Variants in DPP6 observed in about 807,000 individuals in gnomAD.
DPP6 encodes the protein dipeptidyl peptidase like 6.
A neutral mutation model predicts 122.6 loss-of-function variants in DPP6; 69 were observed. That is an observed-to-expected ratio of 0.56 (90% CI 0.46 to 0.69). The LOEUF (loss-of-function observed/expected upper bound fraction) is 0.69. Ranked by LOEUF, DPP6 falls within the 30% of genes least tolerant of loss-of-function variation. The pLI is 0.00. For missense variants in DPP6, 928 were observed against 1,116.9 expected (o/e 0.83, Z 2.41); for synonymous variants, 418 against 433.1 (o/e 0.97, Z 0.43).
the DPP6 span, among the ~76,000 whole-genome samples, chr7:153,871,476 T>A: frequency 1.3e-5 from 2 of 152,192 alleles, no homozygotes; most frequent in Non-Finnish European, 2.9e-5. Flanking sequence ...TCTCCTGGTG[T>A]ATGGTTTGTT....
chr7:153,796,964 CTCTT>C, the DPP6 span, among the ~76,000 whole-genome samples: 3 of 152,168 alleles, frequency 2.0e-5, no homozygotes, highest in Admixed American at 1.3e-4. Context: ...CTTGTTTTGC[CTCTT>C]TCTTTTTCTC....
intron 10 of DPP6, among the ~76,000 whole-genome samples, chr7:154,783,292 G>A (rs538392764): frequency 4.5e-4 from 69 of 152,240 alleles, no homozygotes; most frequent in African/African-American, 1.5e-3. Flanking sequence ...TGATTGCTGC[G>A]AAATCAGGAC....
chr7:153,891,402 C>T (rs1011324889), intron 1 of DPP6, among the ~76,000 whole-genome samples: 1 of 152,080 alleles, frequency 6.6e-6, no homozygotes, highest in Non-Finnish European at 1.5e-5. Context: ...ACTAACCATG[C>T]CATATTCAAT....
chr7:154,817,699 G>A (rs28715509), intron 16 of DPP6, among the ~76,000 whole-genome samples: 1 of 152,098 alleles, frequency 6.6e-6, no homozygotes, highest in Non-Finnish European at 1.5e-5. Context: ...AATGACATGA[G>A]CATCATGAGT....
chr7:154,677,661 G>GC (rs1010035554), intron 7 of DPP6, among the ~76,000 whole-genome samples: 1 of 152,216 alleles, frequency 6.6e-6, no homozygotes, highest in African/African-American at 2.4e-5. Context: ...GGGGAGGAGC[G>GC]CGTGGGGAGA....
At chr7:154,137,221 C>T (rs1044044565) in intron 1 of DPP6, among the ~76,000 whole-genome samples, 5 of 152,130 alleles carry the variant, frequency 3.3e-5, no homozygotes, top group Non-Finnish European at 4.4e-5. Flanking sequence ...CTGCCTCTGG[C>T]GTGTCTAGTT....
At chr7:154,686,115 C>T (rs1238526036) in intron 7 of DPP6, among the ~76,000 whole-genome samples, 1 of 151,924 alleles carries the variant, frequency 6.6e-6, no homozygotes, top group African/African-American at 2.4e-5. Context: ...GTATTACTGT[C>T]TCTTTTGCTC....
At chr7:154,281,548 A>C (rs1371658034) in intron 1 of DPP6, among the ~76,000 whole-genome samples, 1 of 152,174 alleles carries the variant, frequency 6.6e-6, no homozygotes, top group Non-Finnish European at 1.5e-5. Flanking sequence ...GTAAATTTAC[A>C]TACCTTGTGA....
chr7:154,520,482 G>A (rs536335061), intron 3 of DPP6, among the ~76,000 whole-genome samples: 60 of 152,364 alleles, frequency 3.9e-4, no homozygotes, highest in African/African-American at 1.4e-3. Context: ...TAAAATAGAG[G>A]CCAAATTTCC....
At chr7:154,765,228 A>G (rs1795825222) in intron 8 of DPP6, among the ~76,000 whole-genome samples, 1 of 152,190 alleles carries the variant, frequency 6.6e-6, no homozygotes, top group Admixed American at 6.5e-5. Flanking sequence ...CAGAATGTGC[A>G]CCAAACTCAC....
At chr7:154,076,116 T>G (rs1402808331) in intron 1 of DPP6, among the ~76,000 whole-genome samples, 2 of 151,920 alleles carry the variant, frequency 1.3e-5, no homozygotes. Flanking sequence ...AGAAGCTTCT[T>G]CCTATGTGTA....
rs1364887639 is a variant in DPP6 at position 154,061,912 on chromosome 7, T to G, written c.243+8849T>G. Among the ~76,000 whole-genome samples the G allele has an allele frequency of 4.4e-5, 5 of 112,672 alleles. 1 individual carries two copies. The highest frequency in any genetic ancestry group is 1.3e-4 in the African/African-American group (4 of 29,790). The allele number at this position is 112,672 out of a possible 152,430, so 73.9% of individuals were successfully genotyped here. ...TGAGAGGCAATCCCTCTTCCCCCCC[T>G]GGCTCTGAGGACCCCCATCGCAGGA... On this transcript the variant is annotated intron_variant, in intron 1 of 25. Transcript: ENST00000377770.
At chr7:154,478,393 C>T (rs74895355) in intron 3 of DPP6, among the ~76,000 whole-genome samples, 215 of 152,218 alleles carry the variant, frequency 1.4e-3, no homozygotes, top group East Asian at 0.014. Context: ...TACCCACCAC[C>T]ACCATCTATC....
At chr7:154,276,445 C>T (rs1481654761) in intron 1 of DPP6, among the ~76,000 whole-genome samples, 1 of 152,160 alleles carries the variant, frequency 6.6e-6, no homozygotes, top group African/African-American at 2.4e-5. Flanking sequence ...TAGCAAATGG[C>T]ATTGATAAGG....
intron 18 of DPP6, 24 bp from the exon 19 acceptor site, chr7:154,872,600 G>T (rs376738267): frequency 6.3e-7 from 1 of 1,584,256 alleles, no homozygotes; most frequent in Non-Finnish European, 8.6e-7. Flanking sequence ...CCCCTAACCC[G>T]TGCTGTGCTC....
At chr7:153,887,186 C>A (rs2128991416) in exon 1 of DPP6, 1 of 152,616 alleles carries the variant, frequency 6.6e-6, no homozygotes, top group East Asian at 1.9e-4. Flanking sequence ...CCTTAGGGAC[C>A]AGAGCGGCGA....
intron 8 of DPP6, among the ~76,000 whole-genome samples, chr7:154,759,001 A>G (rs926640470): frequency 6.6e-6 from 1 of 152,188 alleles, no homozygotes; most frequent in Non-Finnish European, 1.5e-5. Flanking sequence ...TCTCTTTACT[A>G]GGGCAGATCC....
At chr7:154,178,006 A>C (rs867578377) in intron 1 of DPP6, among the ~76,000 whole-genome samples, 37 of 152,142 alleles carry the variant, frequency 2.4e-4, no homozygotes, top group African/African-American at 8.9e-4. Context: ...TTTCCCATGA[A>C]GCCAACCCAC....
intron 1 of DPP6, among the ~76,000 whole-genome samples, chr7:154,223,430 GTA>G (rs1173061224): frequency 6.7e-6 from 1 of 149,292 alleles, no homozygotes; most frequent in Admixed American, 6.6e-5. Flanking sequence ...AGAATCAAGT[GTA>G]ACTACATAAG....
Sources: allele counts gnomAD v4.1 joint callset (sites outside exome capture counted in the v4.1 genomes callset), GRCh38; gene constraint gnomAD v4.1.1; transcripts MANE v1.5; gene names NCBI Gene and HGNC (gene_info 2026-07-23, HGNC 2026-07-21).